The following RPA1 variants were observed in gnomAD, a reference collection of about 807,000 sequenced individuals.
The protein encoded by RPA1 is replication protein A 70 kDa DNA-binding subunit.
RPA1 carries 49 observed loss-of-function variants against 83.0 expected under a neutral mutation model. The observed-to-expected ratio is 0.59, with a 90% CI of 0.47 to 0.75. The LOEUF is 0.75. Among genes scored for constraint, RPA1 ranks in the 30% least tolerant of loss-of-function variants. The probability of loss-of-function intolerance (pLI) is 0.00; values close to 1 mark genes in which losing one functional copy is unlikely to be tolerated. For synonymous variants in RPA1, 279 were observed against 281.8 expected (o/e 0.99, Z 0.10); for missense variants, 693 against 776.1 (o/e 0.89, Z 1.27).
At position 1,872,464 on chromosome 17, in the gene RPA1, C is replaced by T. The variant is rs577689051; in HGVS notation, c.392C>T (p.Ala131Val). The T allele has an allele frequency of 1.4e-5, 22 of 1,613,912 alleles. No homozygotes were observed. The highest frequency in any genetic ancestry group is 1.1e-4 in the East Asian group (5 of 44,864). ...GLGQPQVAPP[A>V]PAASPAASSR... ...GGGCAGCCGCAAGTAGCTCCTCCAG[C>T]GCCAGCAGCCAGCCCAGCAGCAAGC... The change falls in exon 6 of 17, where the codon GCG (alanine) becomes GTG (valine). Residue 131 changes from alanine to valine, a missense_variant. By Grantham distance (64) the Ala-to-Val change is moderately conservative. Transcript: ENST00000254719.
chr17:1,853,855 A>G (rs559054768), intron 5 of RPA1, among the ~76,000 whole-genome samples: 13 of 152,342 alleles, frequency 8.5e-5, no homozygotes, highest in African/African-American at 2.9e-4. Flanking sequence ...CATGCAGTCT[A>G]TACTCCTGTG....
intron 15 of RPA1, among the ~76,000 whole-genome samples, chr17:1,894,029 G>GTT (rs5818841): frequency 2.9e-4 from 37 of 127,582 alleles, no homozygotes; most frequent in Middle Eastern, 4.2e-3. Flanking sequence ...CCTGGCTTAA[G>GTT]TTTTTTTTTT....
At position 1,878,987 on chromosome 17, in the gene RPA1, C is replaced by A. The variant is rs749652150; in HGVS notation, c.691-6C>A. 2.5e-6 allele frequency: 4 copies of A among 1,614,080 alleles called. No individual in the cohort carries two copies. In the African/African-American group the frequency reaches 5.3e-5, roughly 22 times the overall value. On this transcript the variant is annotated splice_polypyrimidine_tract_variant and splice_region_variant and intron_variant, in intron 8 of 16. Transcript: ENST00000254719. ...GCAGCCCTAACCTGCCCACGTGCTT[C>A]TGCAGGGTGAAATCCGAGCTACAGC...
intron 10 of RPA1, 60 bp downstream of exon 10, chr17:1,879,467 G>A: frequency 1.2e-6 from 2 of 1,611,230 alleles, no homozygotes; most frequent in East Asian, 4.5e-5. Context: ...AGTGTACGGG[G>A]TGGTGTCAGG....
At chr17:1,844,143 C>G in intron 3 of RPA1, 145 bp downstream of exon 3, 1 of 645,650 alleles carries the variant, frequency 1.5e-6, no homozygotes, top group South Asian at 2.0e-5. Flanking sequence ...TTGCAGCTGT[C>G]AGAGAGCATT....
intron 14 of RPA1, among the ~76,000 whole-genome samples, 153 bp downstream of exon 14, chr17:1,889,004 T>A (rs1024643489): frequency 2.6e-5 from 4 of 152,208 alleles, no homozygotes; most frequent in Non-Finnish European, 2.9e-5. Flanking sequence ...CGCTTTTTCA[T>A]GCCAGAAAGT....
chr17:1,874,449 C>T (rs371310223), intron 6 of RPA1, among the ~76,000 whole-genome samples: 3 of 152,140 alleles, frequency 2.0e-5, no homozygotes, highest in African/African-American at 7.2e-5. Flanking sequence ...GAGGCTGCAG[C>T]GAGCTAAGAT....
chr17:1,838,205 G>T (rs1911896018), intron 1 of RPA1, among the ~76,000 whole-genome samples: 2 of 151,382 alleles, frequency 1.3e-5, no homozygotes, highest in African/African-American at 4.9e-5. Flanking sequence ...GCGGGAGAAT[G>T]GCGTGAACCC....
At chr17:1,861,578 C>G (rs1490609746) in intron 5 of RPA1, among the ~76,000 whole-genome samples, 1 of 152,222 alleles carries the variant, frequency 6.6e-6, no homozygotes, top group Non-Finnish European at 1.5e-5. Flanking sequence ...TGTCTAGAGA[C>G]AGTCTGTTTC....
At chr17:1,895,642 G>A (rs1914382184) in intron 16 of RPA1, among the ~76,000 whole-genome samples, 1 of 124,624 alleles carries the variant, frequency 8.0e-6, no homozygotes, top group Non-Finnish European at 1.8e-5. Flanking sequence ...TCCTGAAATT[G>A]CCCATAATAC....
At position 1,843,990 on chromosome 17, in the gene RPA1, C is replaced by G. The variant is rs748543005; in HGVS notation, c.155C>G (p.Thr52Ser). The stretch of plus-strand genomic sequence containing the variant: ...CTGCTCATGAGTGATGGATTGAACA[C>G]TCTATCCTGTGAGTATGGTGTATCC... Reference protein sequence around the residue: ...YRLLMSDGLNTLSSFMLATQL... With the variant: ...YRLLMSDGLNSLSSFMLATQL... Residue 52 changes from threonine (T) to serine (S), a missense_variant, in exon 3 of 17, where the codon ACT (threonine) becomes AGT (serine). By Grantham distance (58) the Thr-to-Ser change is moderately conservative. Coordinates refer to ENST00000254719, the MANE Select transcript of RPA1 (RefSeq NM_002945.5). 8.7e-6 allele frequency: 14 copies of G among 1,612,178 alleles called. No individual in the cohort carries two copies. The Admixed American group carries it at 2.2e-4, about 25-fold the overall frequency.
At chr17:1,840,874 C>T (rs1020218272) in intron 1 of RPA1, among the ~76,000 whole-genome samples, 1 of 152,024 alleles carries the variant, frequency 6.6e-6, no homozygotes, top group East Asian at 1.9e-4. Context: ...TGAGACCAGC[C>T]TGGCCAACGT....
chr17:1,892,458 T>C (rs1185100764), intron 15 of RPA1, among the ~76,000 whole-genome samples: 1 of 152,262 alleles, frequency 6.6e-6, no homozygotes, highest in East Asian at 1.9e-4. Context: ...TGAAATAATG[T>C]ATATAAAAGT....
At chr17:1,878,943 G>T in intron 8 of RPA1, 50 bp from the exon 9 acceptor site, 1 of 1,583,872 alleles carries the variant, frequency 6.3e-7, no homozygotes, top group Non-Finnish European at 8.7e-7. Flanking sequence ...GGGTGCTGGG[G>T]TGGCCTGTGT....
At chr17:1,855,079 T>C (rs1912640015) in intron 5 of RPA1, among the ~76,000 whole-genome samples, 1 of 152,172 alleles carries the variant, frequency 6.6e-6, no homozygotes, top group South Asian at 2.1e-4. Context: ...AAATGGATGG[T>C]GAGTTTTGTC....
At chr17:1,859,841 T>G (rs956175178) in intron 5 of RPA1, among the ~76,000 whole-genome samples, 6 of 152,070 alleles carry the variant, frequency 3.9e-5, no homozygotes, top group Non-Finnish European at 8.8e-5. Context: ...TGAGACGAAG[T>G]CTCACTCTGT....
At position 1,830,121 on chromosome 17, in the gene RPA1, A is replaced by T; in HGVS notation, c.28A>T (p.Ile10Phe). The T allele has an allele frequency of 8.0e-7, 1 of 1,247,748 alleles. No homozygotes were observed. Among genetic ancestry groups the T allele is most frequent in the Non-Finnish European group, 1.0e-6 (1 of 988,092 alleles). 77.3% of individuals were successfully genotyped at this position (1,247,748 alleles called of 1,614,324 possible). The stretch of plus-strand genomic sequence containing the variant: ...GGTCGGCCAACTGAGCGAGGGGGCC[A>T]TTGCGGTGAGGAGGTGCCGGGGGCT... The part of the protein sequence containing the change: MVGQLSEGA[I>F]AAIMQKGDTN... Residue 10 changes from isoleucine (I) to phenylalanine (F), a missense_variant, in exon 1 of 17, where the codon ATT (isoleucine) becomes TTT (phenylalanine). Ile to Phe is a conservative substitution (Grantham distance 21). Transcript: ENST00000254719.
intron 15 of RPA1, among the ~76,000 whole-genome samples, chr17:1,893,669 T>C (rs950097741): frequency 2.0e-5 from 3 of 152,178 alleles, no homozygotes; most frequent in African/African-American, 7.2e-5. Context: ...TCTTGTCTGT[T>C]TACCAGACTT....
chr17:1,883,603 G>A (rs1457753134), intron 12 of RPA1, among the ~76,000 whole-genome samples: 3 of 152,100 alleles, frequency 2.0e-5, no homozygotes, highest in African/African-American at 7.2e-5. Context: ...GTGACAGAGT[G>A]AAACTCTGAC....
Sources: gnomAD v4.1 joint callset for allele counts (sites outside exome capture counted in the v4.1 genomes callset) on GRCh38, gnomAD v4.1.1 for gene constraint, MANE v1.5 for transcripts, NCBI Gene and HGNC (gene_info 2026-07-23, HGNC 2026-07-21) for gene names.